CHODL: variants seen among roughly 807,000 people sequenced by gnomAD.
CHODL encodes transmembrane protein MT75.
In CHODL, 29 loss-of-function variants were observed where a neutral mutation model predicts 34.5. The observed-to-expected ratio is 0.84, with a 90% CI of 0.63 to 1.15. The LOEUF is 1.15. CHODL is among the 50% of genes most tolerant of loss of function. The pLI, the probability that CHODL is intolerant of heterozygous loss-of-function variation, is 0.00. For missense variants in CHODL, 332 were observed against 332.5 expected (o/e 1.00, Z 0.01); for synonymous variants, 125 against 116.1 (o/e 1.08, Z -0.49).
At position 18,084,747 on chromosome 21, in the gene CHODL, G is replaced by A. The variant is rs143815164; in HGVS notation, c.-45+56776G>A. Among the ~76,000 whole-genome samples, 297 of 152,264 alleles carry A rather than the reference G, an allele frequency of 2.0e-3. 1 individual carries two copies. Among genetic ancestry groups the A allele is most frequent in the Non-Finnish European group, 3.5e-3 (235 of 68,024 alleles). On this transcript the variant is annotated intron_variant, in intron 2 of 6. Transcript: ENST00000400127. ...TGAGAAGAATGTGTATTCTGTAGTT[G>A]TTGGATATAATTTTCTGTAAATGTC...
intron 2 of CHODL, among the ~76,000 whole-genome samples, chr21:18,206,137 T>C (rs2073709138): frequency 6.6e-6 from 1 of 152,206 alleles, no homozygotes; most frequent in Non-Finnish European, 1.5e-5. Flanking sequence ...TCCGTAAATA[T>C]CTGATTGGTC....
At chr21:18,251,405 A>G (rs2074235141) in intron 1 of CHODL, among the ~76,000 whole-genome samples, 1 of 35,318 alleles carries the variant, frequency 2.8e-5, no homozygotes, top group South Asian at 6.9e-4. Flanking sequence ...TATATAAAAT[A>G]TGTATTTTAT....
At chr21:18,008,972 T>C (rs2063985679) in intron 1 of CHODL, among the ~76,000 whole-genome samples, 1 of 152,226 alleles carries the variant, frequency 6.6e-6, no homozygotes, top group East Asian at 1.9e-4. Flanking sequence ...TTCAGACATA[T>C]TTATTTTAAG....
intron 1 of CHODL, among the ~76,000 whole-genome samples, chr21:17,995,574 G>A (rs148794281): frequency 2.8e-4 from 43 of 152,278 alleles, no homozygotes; most frequent in African/African-American, 8.4e-4. Flanking sequence ...TGTGGTGGAG[G>A]CAAGTGCCAG....
At chr21:18,250,183 T>A (rs976891945) in intron 1 of CHODL, among the ~76,000 whole-genome samples, 3 of 152,156 alleles carry the variant, frequency 2.0e-5, no homozygotes, top group African/African-American at 7.2e-5. Context: ...GATTAAATAA[T>A]CTCAAGTACC....
intron 2 of CHODL, among the ~76,000 whole-genome samples, chr21:18,147,005 T>C (rs2072898665): frequency 6.6e-6 from 1 of 152,216 alleles, no homozygotes; most frequent in Admixed American, 6.5e-5. Flanking sequence ...TCCTTTTAGC[T>C]TTACCTTCTT....
chr21:18,175,198 T>C (rs1478517463), intron 2 of CHODL, among the ~76,000 whole-genome samples: 2 of 152,216 alleles, frequency 1.3e-5, no homozygotes, highest in Non-Finnish European at 2.9e-5. Flanking sequence ...GCATTAATGA[T>C]ACCCAGTAAA....
At chr21:18,013,927 G>T (rs539738119) in intron 1 of CHODL, among the ~76,000 whole-genome samples, 2 of 152,126 alleles carry the variant, frequency 1.3e-5, no homozygotes, top group South Asian at 4.2e-4. Context: ...GAGCCACCGC[G>T]CCTGGCTATT....
At chr21:18,084,919 TAGTGTGTGTGTG>T (rs1400533710) in intron 2 of CHODL, among the ~76,000 whole-genome samples, 21 of 128,208 alleles carry the variant, frequency 1.6e-4, no homozygotes, top group Non-Finnish European at 1.7e-4. Context: ...GGTCTAGTAA[TAGTGTGTGTGTG>T]TGTGTGTGTG....
intron 2 of CHODL, among the ~76,000 whole-genome samples, chr21:18,230,264 C>T (rs1018461720): frequency 1.3e-5 from 2 of 152,012 alleles, no homozygotes; most frequent in Non-Finnish European, 2.9e-5. Flanking sequence ...AGACCTGAAA[C>T]CACATGATAT....
At chr21:18,047,076 A>G (rs542085417) in intron 2 of CHODL, among the ~76,000 whole-genome samples, 19 of 152,004 alleles carry the variant, frequency 1.2e-4, no homozygotes, top group Non-Finnish European at 2.4e-4. Flanking sequence ...TCCACCAAGT[A>G]GAAGAAATGC....
At position 18,262,823 on chromosome 21, in the gene CHODL, C is replaced by T; in HGVS notation, c.667C>T (p.Pro223Ser). Residue 223 changes from proline (P) to serine (S), a missense_variant, in exon 5 of 6, where the codon CCA becomes TCA. Physicochemically the swap from Pro to Ser is moderately conservative, Grantham distance 74 (BLOSUM62 -1). Coordinates refer to ENST00000299295, the MANE Select transcript of CHODL (RefSeq NM_024944.3). ...IIPNLIYVVI[P>S]TIPLLLLILV... The stretch of plus-strand genomic sequence containing the variant: ...TCCCAATCTAATTTATGTTGTTATA[C>T]CAACAATACCCCTGCTCTTACTGAT... 6.2e-7 allele frequency: 1 copy of T among 1,604,114 alleles called. No individual in the cohort carries two copies. The highest frequency in any genetic ancestry group is 8.5e-7 in the Non-Finnish European group (1 of 1,171,588).
chr21:18,162,722 ATTC>A (rs2073111251), intron 2 of CHODL, among the ~76,000 whole-genome samples: 1 of 152,182 alleles, frequency 6.6e-6, no homozygotes, highest in African/African-American at 2.4e-5. Context: ...TATACCATAT[ATTC>A]TTCTGTGTCA....
intron 2 of CHODL, among the ~76,000 whole-genome samples, chr21:18,107,070 C>T (rs1601011684): frequency 6.6e-6 from 1 of 152,136 alleles, no homozygotes; most frequent in Admixed American, 6.5e-5. Context: ...ATAAATAGTC[C>T]ATCTAAGGGA....
At chr21:18,247,896 A>G (rs2146785612) in intron 1 of CHODL, among the ~76,000 whole-genome samples, 1 of 152,180 alleles carries the variant, frequency 6.6e-6, no homozygotes. Flanking sequence ...TTTTACTTGT[A>G]GGCATAAGGA....
chr21:18,059,592 A>G (rs1200572437), intron 2 of CHODL, among the ~76,000 whole-genome samples: 2 of 151,316 alleles, frequency 1.3e-5, no homozygotes, highest in Non-Finnish European at 2.9e-5. Context: ...AGATCAACCC[A>G]TCACCTTGGT....
chr21:18,182,291 G>C (rs2073391012), intron 2 of CHODL, among the ~76,000 whole-genome samples: 2 of 152,190 alleles, frequency 1.3e-5, no homozygotes, highest in African/African-American at 4.8e-5. Flanking sequence ...ATCCATGGCT[G>C]TATCAAAAGA....
intron 2 of CHODL, among the ~76,000 whole-genome samples, chr21:18,161,991 C>A (rs529590734): frequency 6.6e-6 from 1 of 152,112 alleles, no homozygotes; most frequent in African/African-American, 2.4e-5. Flanking sequence ...ATGTTATTAC[C>A]ACCCACAAGA....
chr21:18,044,022 C>A lies in CHODL; in HGVS notation c.-45+16051C>A, dbSNP rs372223815. On this transcript the variant is annotated intron_variant, in intron 2 of 6. Transcript: ENST00000400127. Reference sequence around the variant, plus strand: ...CAACACATGGGGATTATGGGAGCTACAATTCAAGATGAGATTTGGGTAGGG... The same window carrying A: ...CAACACATGGGGATTATGGGAGCTAAAATTCAAGATGAGATTTGGGTAGGG... Among the ~76,000 whole-genome samples the A allele has an allele frequency of 2.8e-4, 43 of 152,096 alleles. No homozygotes were observed. In the South Asian group the frequency reaches 8.9e-3, roughly 32 times the overall value.
Sources: gnomAD v4.1 joint callset for allele counts (sites outside exome capture counted in the v4.1 genomes callset) on GRCh38, gnomAD v4.1.1 for gene constraint, MANE v1.5 for transcripts, NCBI Gene and HGNC (gene_info 2026-07-23, HGNC 2026-07-21) for gene names.